DAB2IP: variants seen among roughly 807,000 people sequenced by gnomAD.
The protein encoded by DAB2IP is DAB2 interacting protein.
A neutral mutation model predicts 107.2 loss-of-function variants in DAB2IP; 28 were observed. The observed-to-expected ratio is 0.26, with a 90% CI of 0.19 to 0.36. The LOEUF is 0.36. DAB2IP is among the 10% of genes least tolerant of loss of function. DAB2IP has a pLI of 1.00. For missense variants in DAB2IP, 1,400 were observed against 1,644.7 expected (o/e 0.85, Z 2.57); for synonymous variants, 755 against 706.4 (o/e 1.07, Z -1.09).
intron 1 of DAB2IP, among the ~76,000 whole-genome samples, chr9:121,630,533 A>AATT (rs200575067): frequency 0.02 from 2,938 of 146,976 alleles, 148 homozygotes; most frequent in Admixed American, 0.11. Context: ...TCATAAAAAA[A>AATT]TTTTTTTTTT....
At chr9:121,609,486 C>T (rs1171195519) in intron 1 of DAB2IP, among the ~76,000 whole-genome samples, 1 of 152,222 alleles carries the variant, frequency 6.6e-6, no homozygotes, top group African/African-American at 2.4e-5. Flanking sequence ...ATTCGGCTCC[C>T]AACTTCTCCA....
chr9:121,783,412 G>A (rs554209938), exon 16 of DAB2IP: 1 of 1,596,452 alleles, frequency 6.3e-7, no homozygotes, highest in South Asian at 1.1e-5. Flanking sequence ...CCTGTAGGGA[G>A]TGCCACCTGG....
chr9:121,712,908 G>A (rs139122101), intron 3 of DAB2IP, among the ~76,000 whole-genome samples: 3 of 152,340 alleles, frequency 2.0e-5, no homozygotes, highest in East Asian at 3.9e-4. Context: ...CTGGGAGGGC[G>A]TACAGGATGC....
exon 9 of DAB2IP, chr9:121,766,625 T>C (rs1834305294): frequency 6.2e-7 from 1 of 1,614,194 alleles, no homozygotes; most frequent in Non-Finnish European, 8.5e-7. Flanking sequence ...CCAGCCATCA[T>C]GTCGCCCTCA....
At chr9:121,676,641 A>ACACACACACACACACACACACACT (rs1219329345) in intron 1 of DAB2IP, among the ~76,000 whole-genome samples, 1,986 of 151,734 alleles carry the variant, frequency 0.013, 46 homozygotes, top group African/African-American at 0.045. Context: ...AGACGCACAC[A>ACACACACACACACACACACACACT]CACACACACA....
chr9:121,775,781 A>T (rs1835159246), intron 13 of DAB2IP, among the ~76,000 whole-genome samples: 1 of 152,148 alleles, frequency 6.6e-6, no homozygotes, highest in African/African-American at 2.4e-5. Context: ...TTCATGTGAC[A>T]TGGTCACCTT....
Position 121,662,889 on chromosome 9 carries a change from C to A in DAB2IP, c.124+10990C>A, listed in dbSNP as rs765973535. Among the ~76,000 whole-genome samples, 1 of 152,132 alleles carries A rather than the reference C, an allele frequency of 6.6e-6. No homozygotes were observed. The highest frequency in any genetic ancestry group is 2.4e-5 in the African/African-American group (1 of 41,420). ...GAGTAAATGCCAGCTCTCTGCCAGCCCTGGAATGGGCCCTGCAGATGCAGA... is the reference window on the plus strand; with the variant it reads ...GAGTAAATGCCAGCTCTCTGCCAGCACTGGAATGGGCCCTGCAGATGCAGA... On this transcript the variant is annotated intron_variant, in intron 1 of 15. Transcript: ENST00000408936. The surrounding 1 kb of genome is among the most constrained non-coding windows in gnomAD (Gnocchi z 4.6).
At chr9:121,696,232 G>C (rs1188072728) in intron 2 of DAB2IP, among the ~76,000 whole-genome samples, 1 of 152,216 alleles carries the variant, frequency 6.6e-6, no homozygotes, top group Non-Finnish European at 1.5e-5. Flanking sequence ...TTCAGAGAGA[G>C]GCAAGGGGCC....
rs201508886 is a variant in DAB2IP, at chr9:121,772,727, C to T, written c.2199C>T (p.Asn733=). The T allele has an allele frequency of 7.9e-5, 127 of 1,613,906 alleles. No individual in the cohort carries two copies. The highest frequency in any genetic ancestry group is 3.3e-4 in the Middle Eastern group (2 of 6,084). The change falls in exon 12 of 16, where the codon AAC becomes AAT. Residue 733 remains asparagine, a synonymous_variant. Transcript: ENST00000408936. This position sits in a 1 kb window ranked among gnomAD's most constrained non-coding sequence, Gnocchi z 4.7. ...GCAGCTCGAGTTACTCGGAAGCCAA[C>T]GAGCCTGATCTTCAGATGGCCAACG...
chr9:121,609,444 C>T (rs1831009865), intron 1 of DAB2IP, among the ~76,000 whole-genome samples: 1 of 152,242 alleles, frequency 6.6e-6, no homozygotes, highest in African/African-American at 2.4e-5. Flanking sequence ...TTCTCCACTT[C>T]TCACTTCCAT....
In DAB2IP at chr9:121,588,761, T is replaced by C. The variant is rs1455096675; in HGVS notation, c.40+21533T>C. ...GCCCCTTCAGAGTCATCCTGAGCTG[T>C]GCCAAACTTTTATGACCCTGGGTTG... On this transcript the variant is annotated intron_variant, in intron 1 of 16. Coordinates refer to the DAB2IP transcript ENST00000259371. Among the ~76,000 whole-genome samples, 3 of 151,884 alleles carry C rather than the reference T, an allele frequency of 2.0e-5. No individual in the cohort carries two copies. In the East Asian group the frequency reaches 5.8e-4, roughly 29 times the overall value.
intron 3 of DAB2IP, among the ~76,000 whole-genome samples, chr9:121,749,170 C>T (rs1032856879): frequency 6.6e-6 from 1 of 152,344 alleles, no homozygotes; most frequent in South Asian, 2.1e-4. Context: ...GGAGTGAGCA[C>T]TGGCCTTCTG....
At chr9:121,567,572 C>A (rs1829836794) in intron 1 of DAB2IP, among the ~76,000 whole-genome samples, 1 of 152,194 alleles carries the variant, frequency 6.6e-6, no homozygotes, top group Non-Finnish European at 1.5e-5. Flanking sequence ...CCAGGCCTGC[C>A]CTGTGCTGTG....
At chr9:121,688,663 C>T (rs1473904725) in intron 2 of DAB2IP, among the ~76,000 whole-genome samples, 1 of 152,226 alleles carries the variant, frequency 6.6e-6, no homozygotes, top group African/African-American at 2.4e-5. Context: ...TCTGTCTCTC[C>T]CACCAGACGG....
chr9:121,681,089 T>G (rs1246902163), intron 2 of DAB2IP, among the ~76,000 whole-genome samples: 1 of 152,118 alleles, frequency 6.6e-6, no homozygotes, highest in Non-Finnish European at 1.5e-5. Flanking sequence ...GCTGAAACAT[T>G]GGTTACCCCA....
chr9:121,615,374 C>T (rs1362528398), intron 1 of DAB2IP, among the ~76,000 whole-genome samples: 1 of 152,142 alleles, frequency 6.6e-6, no homozygotes, highest in Non-Finnish European at 1.5e-5. Context: ...CTTGGAATGC[C>T]TATTGATAAG....
At chr9:121,768,569 A>C (rs774148994) in exon 10 of DAB2IP, 1 of 1,613,996 alleles carries the variant, frequency 6.2e-7, no homozygotes, top group Non-Finnish European at 8.5e-7. Context: ...GGCTACATCG[A>C]CCTGGGCCGC....
chr9:121,742,944 C>T, intron 3 of DAB2IP: 2 of 985,458 alleles, frequency 2.0e-6, no homozygotes, highest in Non-Finnish European at 2.4e-6. Flanking sequence ...ATCTTGCCCC[C>T]TTCTTTCTTC....
chr9:121,647,891 G>GTA (rs1832596938), upstream of DAB2IP, among the ~76,000 whole-genome samples: 1 of 150,106 alleles, frequency 6.7e-6, no homozygotes, highest in Non-Finnish European at 1.5e-5. Context: ...GGGTATATAT[G>GTA]TATATATATG....
Sources: allele counts gnomAD v4.1 joint callset (sites outside exome capture counted in the v4.1 genomes callset), GRCh38; gene constraint gnomAD v4.1.1; non-coding constraint Gnocchi (gnomAD v3.1); transcripts MANE v1.5; gene names NCBI Gene and HGNC (gene_info 2026-07-23, HGNC 2026-07-21).